The following HPSE2 variants were observed in gnomAD, a reference collection of about 807,000 sequenced individuals.
The protein encoded by HPSE2 is inactive heparanase-2.
In HPSE2, 38 loss-of-function variants were observed where a neutral mutation model predicts 60.5. That is an observed-to-expected ratio of 0.63 (90% CI 0.48 to 0.82). HPSE2 has a LOEUF of 0.82. HPSE2 is among the 40% of genes least tolerant of loss of function. HPSE2 has a pLI of 0.00. For missense variants in HPSE2, 713 were observed against 740.4 expected (o/e 0.96, Z 0.43); for synonymous variants, 295 against 293.2 (o/e 1.01, Z -0.06).
intron 2 of HPSE2, among the ~76,000 whole-genome samples, chr10:99,149,413 C>T (rs1019701623): frequency 2.0e-5 from 3 of 152,170 alleles, no homozygotes; most frequent in African/African-American, 7.2e-5. Flanking sequence ...GTTAAAAGCA[C>T]AGGTTTCGAA....
the HPSE2 span, among the ~76,000 whole-genome samples, chr10:99,292,105 A>T: frequency 6.6e-6 from 1 of 152,220 alleles, no homozygotes. Flanking sequence ...GTAAGGGCCT[A>T]CATATCCTGT....
chr10:98,573,557 G>A (rs764381512), intron 9 of HPSE2, among the ~76,000 whole-genome samples: 1 of 152,162 alleles, frequency 6.6e-6, no homozygotes, highest in African/African-American at 2.4e-5. Flanking sequence ...GGTGAAATGG[G>A]GTGAGAGCGT....
At chr10:98,915,603 G>A (rs1033671113) in intron 3 of HPSE2, among the ~76,000 whole-genome samples, 6 of 152,088 alleles carry the variant, frequency 3.9e-5, no homozygotes, top group Admixed American at 2.6e-4. Flanking sequence ...CTGTACTCAC[G>A]CTTTAACAAC....
At chr10:99,280,064 T>C in the HPSE2 span, among the ~76,000 whole-genome samples, 103 of 152,360 alleles carry the variant, frequency 6.8e-4, no homozygotes, top group African/African-American at 2.4e-3. Flanking sequence ...GGTTCTTCAC[T>C]GGCTTTGCCA....
At chr10:98,549,030 A>G (rs1943780156) in intron 9 of HPSE2, among the ~76,000 whole-genome samples, 1 of 152,156 alleles carries the variant, frequency 6.6e-6, no homozygotes, top group Non-Finnish European at 1.5e-5. Context: ...ACAAAGTTGT[A>G]TGTCATCTGA....
chr10:98,529,951 G>A (rs1943080547), intron 9 of HPSE2, among the ~76,000 whole-genome samples: 2 of 152,136 alleles, frequency 1.3e-5, no homozygotes, highest in Non-Finnish European at 2.9e-5. Context: ...ATTGAAAAAG[G>A]TTTATGCCAC....
At chr10:99,038,882 C>T (rs967218131) in intron 3 of HPSE2, among the ~76,000 whole-genome samples, 18 of 152,084 alleles carry the variant, frequency 1.2e-4, no homozygotes, top group African/African-American at 4.3e-4. Flanking sequence ...CATTCAATCG[C>T]TTTTCTGTGT....
At chr10:99,263,365 ATT>A in the HPSE2 span, among the ~76,000 whole-genome samples, 2 of 152,204 alleles carry the variant, frequency 1.3e-5, no homozygotes, top group Non-Finnish European at 2.9e-5. Context: ...ACATGTCAAT[ATT>A]TATGCTGACT....
At chr10:98,921,168 A>T (rs1443863192) in intron 3 of HPSE2, among the ~76,000 whole-genome samples, 2 of 151,864 alleles carry the variant, frequency 1.3e-5, no homozygotes, top group Non-Finnish European at 2.9e-5. Context: ...TACCTATCTC[A>T]TATGCTTGTT....
chr10:98,473,544 A>AAGAAAGAG (rs1377899412), intron 11 of HPSE2, among the ~76,000 whole-genome samples: 1 of 151,288 alleles, frequency 6.6e-6, no homozygotes, highest in East Asian at 1.9e-4. Flanking sequence ...GAAAGAAAGA[A>AAGAAAGAG]AGAGAGGAAG....
intron 3 of HPSE2, among the ~76,000 whole-genome samples, chr10:98,804,218 T>C (rs1193243666): frequency 6.6e-6 from 1 of 152,024 alleles, no homozygotes; most frequent in Non-Finnish European, 1.5e-5. Context: ...TAAGGAGATT[T>C]TGGCAAAATT....
chr10:98,603,567 C>T (rs956668550), intron 9 of HPSE2, among the ~76,000 whole-genome samples: 7 of 151,710 alleles, frequency 4.6e-5, no homozygotes, highest in East Asian at 2.0e-4. Flanking sequence ...GTAGCTGGGA[C>T]TACAGGCACA....
At chr10:98,719,625 C>A (rs568880130) in intron 5 of HPSE2, among the ~76,000 whole-genome samples, 10 of 146,144 alleles carry the variant, frequency 6.8e-5, no homozygotes, top group Non-Finnish European at 1.2e-4. Flanking sequence ...TTTAGGCAGG[C>A]GCAGACCCTA....
At chr10:98,486,240 T>G (rs1292740087) in intron 10 of HPSE2, among the ~76,000 whole-genome samples, 1 of 152,174 alleles carries the variant, frequency 6.6e-6, no homozygotes, top group African/African-American at 2.4e-5. Context: ...TCCAAATTCC[T>G]GAGGAACATA....
At chr10:99,018,131 A>G (rs1589524669) in intron 3 of HPSE2, among the ~76,000 whole-genome samples, 1 of 152,208 alleles carries the variant, frequency 6.6e-6, no homozygotes. Context: ...GACTTCTATT[A>G]CAAAGCAAAT....
chr10:99,258,198 T>C, the HPSE2 span, among the ~76,000 whole-genome samples: 1 of 152,036 alleles, frequency 6.6e-6, no homozygotes, highest in African/African-American at 2.4e-5. Flanking sequence ...TGTATTTTTA[T>C]GTATTAGCGA....
intron 3 of HPSE2, among the ~76,000 whole-genome samples, chr10:99,036,448 A>C (rs1957612060): frequency 2.0e-5 from 3 of 152,172 alleles, no homozygotes; most frequent in Admixed American, 2.0e-4. Flanking sequence ...CCAAAGCTGG[A>C]ACGATTTGAG....
chr10:98,815,473 ACT>A (rs1398107741), intron 3 of HPSE2, among the ~76,000 whole-genome samples: 1 of 152,162 alleles, frequency 6.6e-6, no homozygotes, highest in Non-Finnish European at 1.5e-5. Flanking sequence ...AGAGGCTAAG[ACT>A]CTGAGCACAG....
chr10:98,883,228 C>T (rs1953074899), intron 3 of HPSE2, among the ~76,000 whole-genome samples: 1 of 151,994 alleles, frequency 6.6e-6, no homozygotes, highest in African/African-American at 2.4e-5. Flanking sequence ...ACTTTTTTAA[C>T]AGTAAAAACT....
Sources: allele counts gnomAD v4.1 joint callset (sites outside exome capture counted in the v4.1 genomes callset), GRCh38; gene constraint gnomAD v4.1.1; transcripts MANE v1.5; gene names NCBI Gene and HGNC (gene_info 2026-07-23, HGNC 2026-07-21).